CIMIP6: variants seen among roughly 807,000 people sequenced by gnomAD.
CIMIP6 encodes uncharacterized protein C2orf73.
the CIMIP6 span, among the ~76,000 whole-genome samples, chr2:54,377,980 G>A: frequency 6.6e-6 from 1 of 152,184 alleles, no homozygotes; most frequent in Non-Finnish European, 1.5e-5. Context: ...CCCAGAACAG[G>A]AGCTTAGTAC....
At chr2:54,361,826 C>A in the CIMIP6 span, among the ~76,000 whole-genome samples, 1 of 152,100 alleles carries the variant, frequency 6.6e-6, no homozygotes, top group Non-Finnish European at 1.5e-5. Flanking sequence ...GGTCTTAAAG[C>A]CTAGGGACTT....
the CIMIP6 span, among the ~76,000 whole-genome samples, chr2:54,353,541 G>A: frequency 2.0e-5 from 3 of 151,940 alleles, no homozygotes; most frequent in East Asian, 5.8e-4. Context: ...GATTGGGAGT[G>A]GGGGGAGGGG....
the CIMIP6 span, among the ~76,000 whole-genome samples, chr2:54,376,964 G>A: frequency 6.6e-6 from 1 of 152,188 alleles, no homozygotes; most frequent in African/African-American, 2.4e-5. Flanking sequence ...CCAGGATTTT[G>A]TGAATGACCT....
chr2:54,342,719 T>C, the CIMIP6 span, among the ~76,000 whole-genome samples: 2 of 152,074 alleles, frequency 1.3e-5, no homozygotes. Context: ...CCTTGAATCA[T>C]AGTTTAGAAG....
chr2:54,357,375 T>C, the CIMIP6 span, among the ~76,000 whole-genome samples: 1 of 152,302 alleles, frequency 6.6e-6, no homozygotes, highest in East Asian at 1.9e-4. Context: ...TTTTTAAAAG[T>C]TAAATTTTAT....
chr2:54,354,385 T>G, the CIMIP6 span, among the ~76,000 whole-genome samples: 1 of 152,122 alleles, frequency 6.6e-6, no homozygotes, highest in Admixed American at 6.5e-5. Flanking sequence ...CAGCTAGAAT[T>G]TTGATTAGGT....
chr2:54,383,512 T>C, the CIMIP6 span: 1 of 152,222 alleles, frequency 6.6e-6, no homozygotes, highest in African/African-American at 2.4e-5. Context: ...CTGAGTCATT[T>C]GGAGGAGTGC....
the CIMIP6 span, among the ~76,000 whole-genome samples, chr2:54,379,321 C>T: frequency 1.2e-4 from 18 of 152,338 alleles, no homozygotes; most frequent in Middle Eastern, 3.4e-3. Context: ...AAGCATTTCA[C>T]ATTTTATCCT....
chr2:54,332,931 CTT>C, the CIMIP6 span, among the ~76,000 whole-genome samples: 1 of 152,152 alleles, frequency 6.6e-6, no homozygotes, highest in African/African-American at 2.4e-5. Context: ...TTTCCAAATC[CTT>C]TGCAGAAAGT....
chr2:54,333,942 G>A, the CIMIP6 span, among the ~76,000 whole-genome samples: 1 of 152,014 alleles, frequency 6.6e-6, no homozygotes. Flanking sequence ...CCTGGCATTC[G>A]TTTGGAGGAA....
chr2:54,371,926 T>C, the CIMIP6 span, among the ~76,000 whole-genome samples: 1 of 152,126 alleles, frequency 6.6e-6, no homozygotes, highest in Admixed American at 6.5e-5. Flanking sequence ...CGGGTCTGGG[T>C]CCTTTATCTG....
the CIMIP6 span, among the ~76,000 whole-genome samples, chr2:54,367,896 C>CT: frequency 6.6e-6 from 1 of 152,096 alleles, no homozygotes; most frequent in Non-Finnish European, 1.5e-5. Context: ...ACTCTGTAAA[C>CT]TTTTTGAAGT....
At chr2:54,348,753 T>C in the CIMIP6 span, among the ~76,000 whole-genome samples, 2 of 152,362 alleles carry the variant, frequency 1.3e-5, no homozygotes, top group African/African-American at 4.8e-5. Flanking sequence ...TGCACTAATA[T>C]GTGCATATAA....
At chr2:54,362,782 A>G in the CIMIP6 span, among the ~76,000 whole-genome samples, 2 of 152,078 alleles carry the variant, frequency 1.3e-5, no homozygotes, top group African/African-American at 4.8e-5. Flanking sequence ...CCTGAGCTCA[A>G]TTTATCTGCC....
chr2:54,366,436 T>C, the CIMIP6 span, among the ~76,000 whole-genome samples: 2 of 152,228 alleles, frequency 1.3e-5, no homozygotes, highest in Admixed American at 1.3e-4. Context: ...ATTGTTGTTT[T>C]CTTTAATCGC....
At chr2:54,382,345 C>T in the CIMIP6 span, among the ~76,000 whole-genome samples, 1 of 152,140 alleles carries the variant, frequency 6.6e-6, no homozygotes, top group South Asian at 2.1e-4. Context: ...GATAATGTGG[C>T]CATTATAGAT....
At chr2:54,344,690 G>C in the CIMIP6 span, among the ~76,000 whole-genome samples, 1 of 143,498 alleles carries the variant, frequency 7.0e-6, no homozygotes, top group African/African-American at 2.6e-5. Flanking sequence ...TACCACACCA[G>C]TTATTTCGGT....
chr2:54,360,135 A>G, the CIMIP6 span: 2 of 1,459,060 alleles, frequency 1.4e-6, no homozygotes, highest in Non-Finnish European at 1.8e-6. Context: ...GCACAAATTC[A>G]GTTCACAGCT....
chr2:54,365,627 A>G, the CIMIP6 span, among the ~76,000 whole-genome samples: 2 of 152,156 alleles, frequency 1.3e-5, no homozygotes, highest in African/African-American at 4.8e-5. Flanking sequence ...CCATAATTGT[A>G]AACTTCCTGA....
Sources: gnomAD v4.1 joint callset for allele counts (sites outside exome capture counted in the v4.1 genomes callset) on GRCh38, gnomAD v4.1.1 for gene constraint, MANE v1.5 for transcripts, NCBI Gene and HGNC (gene_info 2026-07-23, HGNC 2026-07-21) for gene names.